Variants in CCDC90B observed in about 807,000 individuals in gnomAD.
CCDC90B encodes coiled-coil domain-containing protein 90B, mitochondrial.
Under a neutral mutation model 37.0 loss-of-function variants are expected in CCDC90B, and 24 were observed. That is an observed-to-expected ratio of 0.65 (90% confidence interval 0.47 to 0.91). CCDC90B has a LOEUF of 0.91. Ranked by LOEUF, CCDC90B falls within the 40% of genes least tolerant of loss-of-function variation. The probability of loss-of-function intolerance (pLI) is 0.00; values close to 1 mark genes in which losing one functional copy is unlikely to be tolerated. For missense variants in CCDC90B, 319 were observed against 299.0 expected (o/e 1.07, Z -0.49); for synonymous variants, 113 against 101.1 (o/e 1.12, Z -0.71).
At chr11:83,285,575 T>TTAC in intron 1 of CCDC90B, 1 of 1,260,676 alleles carries the variant, frequency 7.9e-7, no homozygotes, top group Non-Finnish European at 1.0e-6. Context: ...CCTGACGAGA[T>TTAC]TACTAGCCTC....
At position 83,261,962 on chromosome 11, in the gene CCDC90B, C is replaced by G. The variant is rs8789; in HGVS notation, c.714G>C (p.Ser238=). 3 of 1,589,332 alleles carry G rather than the reference C, an allele frequency of 1.9e-6. No homozygotes were observed. The highest frequency in any genetic ancestry group is 2.6e-6 in the Non-Finnish European group (3 of 1,164,116). Residue 238 remains serine, a synonymous_variant, in exon 9 of 9, where the codon TCG becomes TCC. Coordinates refer to ENST00000529689, the MANE Select transcript of CCDC90B (RefSeq NM_021825.5). Reference sequence around the variant, plus strand: ...ATGCTATTGCCAGGCAAGTAAACACCGAAGCTGTGAAAAGAAGAAACTGTG... The same window carrying G: ...ATGCTATTGCCAGGCAAGTAAACACGGAAGCTGTGAAAAGAAGAAACTGTG... ...KLETIRYLAA[S]VFTCLAIALG... is the part of the protein sequence containing the mutation.
chr11:83,285,283 C>A lies in CCDC90B; in HGVS notation c.100+590G>T, dbSNP rs1240887229. 1.0e-5 allele frequency: 13 copies of A among 1,265,180 alleles called. No homozygotes were observed. The East Asian group carries it at 6.1e-4, about 60-fold the overall frequency. 78.4% of individuals were successfully genotyped at this position (1,265,180 alleles called of 1,614,324 possible). A position where few individuals can be genotyped will look rare whatever the true frequency, so the allele number is the denominator to read the frequency against. ...CAAAAACCTAGCCCTAGAAACATTT[C>A]TCTGAATAAAGTTAGATGTCTTCAG... On this transcript the variant is annotated intron_variant, in intron 1 of 8. Transcript: ENST00000529689.
rs780831988 is a variant in CCDC90B at position 83,274,723 on chromosome 11, C to G, written c.342G>C (p.Gln114His). Residue 114 changes from glutamine (Q) to histidine (H), a missense_variant, in exon 4 of 9, where the codon CAG (glutamine) becomes CAC (histidine). Gln to His is a conservative substitution (Grantham distance 24). Transcript: ENST00000529689. ...TGATAGCATCCAAATGAGCCATTAG[C>G]TGTTGTACTGTTATTTCCTAGAAAA... ...TQAQQEITVQQLMAHLDAIRK... is the reference protein window; with the variant it reads ...TQAQQEITVQHLMAHLDAIRK... The G allele has an allele frequency of 9.3e-6, 15 of 1,607,284 alleles. No homozygotes were observed. The South Asian group carries it at 1.4e-4, about 15-fold the overall frequency.
rs1157337554 is a variant in CCDC90B, at chr11:83,285,922, A to G, written c.51T>C (p.Asp17=). The G allele has an allele frequency of 3.1e-6, 5 of 1,613,408 alleles. No homozygotes were observed. Among genetic ancestry groups the G allele is most frequent in the Admixed American group, 3.3e-5 (2 of 59,960 alleles). ...GCCCGCGGGGCCTTGAAACCCAACG[A>G]TCTCCTCTGCCTTGGGAGAGAAAGA... ...WRLFLSQGRG[D]RWVSRPRGHF... is the part of the protein sequence containing the mutation. Residue 17 remains aspartate (D), a synonymous_variant, in exon 1 of 9, where the codon GAT becomes GAC. Coordinates refer to ENST00000529689, the MANE Select transcript of CCDC90B (RefSeq NM_021825.5).
intron 1 of CCDC90B, 118 bp from the exon 2 acceptor site, chr11:83,280,378 C>T (rs1865315656): frequency 1.0e-5 from 9 of 874,100 alleles, no homozygotes; most frequent in Admixed American, 5.1e-5. Flanking sequence ...CTAGTTTTGT[C>T]ATCTCACCCA....
intron 3 of CCDC90B, among the ~76,000 whole-genome samples, chr11:83,275,018 C>CA (rs1191064058): frequency 6.6e-6 from 1 of 151,644 alleles, no homozygotes; most frequent in Admixed American, 6.6e-5. Flanking sequence ...AAGAGTTCCT[C>CA]AAAAAAAATA....
chr11:83,271,907 C>T (rs1319066433), intron 7 of CCDC90B, among the ~76,000 whole-genome samples: 1 of 152,192 alleles, frequency 6.6e-6, no homozygotes, highest in Non-Finnish European at 1.5e-5. Context: ...AAACATGGCA[C>T]ATATACACCA....
chr11:83,285,634 A>G, intron 1 of CCDC90B: 1 of 1,357,936 alleles, frequency 7.4e-7, no homozygotes, highest in South Asian at 1.8e-5. Context: ...CCGGGCGCGA[A>G]GCCCAGGCCT....
At chr11:83,264,911 G>A (rs1008551261) in intron 8 of CCDC90B, among the ~76,000 whole-genome samples, 2 of 137,786 alleles carry the variant, frequency 1.5e-5, no homozygotes, top group African/African-American at 5.5e-5. Flanking sequence ...TGAACAATGA[G>A]AACACATGGA....
chr11:83,285,900 C>A lies in CCDC90B; in HGVS notation c.73G>T (p.Gly25Trp). Residue 25 changes from glycine (G) to tryptophan (W), a missense_variant, in exon 1 of 9, where the codon GGG (glycine) becomes TGG (tryptophan). Physicochemically the swap from Gly to Trp is radical, Grantham distance 184. Transcript: ENST00000529689. The part of the protein sequence containing the change: ...RGDRWVSRPR[G>W]HFSPALRREF... Reference sequence around the variant, plus strand: ...CTCCGCAGGGCCGGCGAGAAATGCCCGCGGGGCCTTGAAACCCAACGATCT... The same window carrying A: ...CTCCGCAGGGCCGGCGAGAAATGCCAGCGGGGCCTTGAAACCCAACGATCT... The A allele has an allele frequency of 6.2e-7, 1 of 1,613,238 alleles. No individual in the cohort carries two copies.
At position 83,259,899 on chromosome 11, in the gene CCDC90B, C is replaced by T. The variant is rs1463313955; in HGVS notation, c.*2012G>A. ...TGAACTCTAGAACTGGACAGATTTA[C>T]CCTGTCTCAAGCATTGCTCTACTGG... On this transcript the variant is annotated 3_prime_UTR_variant, in exon 9 of 9. Coordinates refer to ENST00000529689, the MANE Select transcript of CCDC90B (RefSeq NM_021825.5). 1.3e-5 allele frequency: 2 copies of T among 152,228 alleles called. No individual in the cohort carries two copies. Among genetic ancestry groups the T allele is most frequent in the Non-Finnish European group, 2.9e-5 (2 of 68,072 alleles). The allele number at this position is 152,228 out of a possible 1,614,324, so 9.4% of individuals were successfully genotyped here. A position where few individuals can be genotyped will look rare whatever the true frequency, so the allele number is the denominator to read the frequency against.
intron 7 of CCDC90B, among the ~76,000 whole-genome samples, chr11:83,269,146 C>T (rs1452403107): frequency 1.3e-5 from 2 of 152,014 alleles, no homozygotes; most frequent in African/African-American, 4.8e-5. Flanking sequence ...GCACTAAATG[C>T]CCACAAGAGA....
intron 1 of CCDC90B, among the ~76,000 whole-genome samples, chr11:83,280,756 C>T (rs1304774631): frequency 6.6e-6 from 1 of 152,162 alleles, no homozygotes; most frequent in Non-Finnish European, 1.5e-5. Flanking sequence ...ATCTTATTTG[C>T]TGTTTGTATC....
intron 3 of CCDC90B, among the ~76,000 whole-genome samples, chr11:83,275,279 T>C (rs544735706): frequency 6.6e-6 from 1 of 152,220 alleles, no homozygotes; most frequent in Non-Finnish European, 1.5e-5. Flanking sequence ...AAGGTAGCAC[T>C]TACCTGATAG....
intron 7 of CCDC90B, among the ~76,000 whole-genome samples, chr11:83,268,151 T>A (rs1864408838): frequency 6.6e-6 from 1 of 152,096 alleles, no homozygotes; most frequent in African/African-American, 2.4e-5. Context: ...TGCAAAAACA[T>A]GCCAAATTGT....
At chr11:83,274,593 T>C (rs780731257) in intron 4 of CCDC90B, 46 bp downstream of exon 4, 4 of 1,141,734 alleles carry the variant, frequency 3.5e-6, no homozygotes, top group East Asian at 5.1e-5. Context: ...GGATGCTTAT[T>C]ATGAGATCAG....
intron 1 of CCDC90B, among the ~76,000 whole-genome samples, chr11:83,281,841 C>A (rs1237499675): frequency 6.6e-6 from 1 of 151,996 alleles, no homozygotes; most frequent in Non-Finnish European, 1.5e-5. Context: ...ATTACCCCAT[C>A]CTTAAAATTC....
chr11:83,281,130 A>G (rs528044198), intron 1 of CCDC90B, among the ~76,000 whole-genome samples: 3 of 152,328 alleles, frequency 2.0e-5, no homozygotes, highest in Non-Finnish European at 2.9e-5. Context: ...CAGAATTAGG[A>G]TTCAGACTCA....
intron 2 of CCDC90B, among the ~76,000 whole-genome samples, chr11:83,279,816 C>T (rs1450885810): frequency 6.6e-6 from 1 of 150,668 alleles, no homozygotes; most frequent in East Asian, 1.9e-4. Flanking sequence ...ATTTTTTGTG[C>T]TTTTTTTTTA....
Sources: allele counts gnomAD v4.1 joint callset (sites outside exome capture counted in the v4.1 genomes callset), GRCh38; gene constraint gnomAD v4.1.1; transcripts MANE v1.5; gene names NCBI Gene and HGNC (gene_info 2026-07-23, HGNC 2026-07-21).